The following NEK7 variants were observed in gnomAD, a reference collection of about 807,000 sequenced individuals.
The protein encoded by NEK7 is NIMA related kinase 7, also known as serine/threonine-protein kinase Nek7.
Under a neutral mutation model 44.6 loss-of-function variants are expected in NEK7, and 18 were observed. The observed-to-expected ratio is 0.40, with a 90% confidence interval of 0.28 to 0.60. NEK7 has a LOEUF of 0.60. Ranked by LOEUF, NEK7 falls within the 20% of genes least tolerant of loss-of-function variation. The probability of loss-of-function intolerance (pLI) is 0.38; values close to 1 mark genes in which losing one functional copy is unlikely to be tolerated. For missense variants in NEK7, 256 were observed against 366.5 expected (o/e 0.70, Z 2.46); for synonymous variants, 130 against 121.1 (o/e 1.07, Z -0.48).
At chr1:198,293,152 T>C in intron 8 of NEK7, 113 bp downstream of exon 8, 2 of 595,784 alleles carry the variant, frequency 3.4e-6, no homozygotes, top group Non-Finnish European at 5.8e-6. Flanking sequence ...ACCTTTTTAA[T>C]TGTGAAGAAT....
chr1:198,159,503 A>G (rs939678960), intron 1 of NEK7, among the ~76,000 whole-genome samples: 4 of 152,172 alleles, frequency 2.6e-5, no homozygotes, highest in Admixed American at 1.3e-4. Flanking sequence ...GAAAATGAAA[A>G]CCACTAAATG....
intron 5 of NEK7, among the ~76,000 whole-genome samples, chr1:198,268,672 A>G (rs998146662): frequency 6.6e-6 from 1 of 152,160 alleles, no homozygotes; most frequent in African/African-American, 2.4e-5. Flanking sequence ...TTTAAGGGTA[A>G]AGACTAAAAT....
chr1:198,240,585 T>G (rs1304110254), intron 2 of NEK7, among the ~76,000 whole-genome samples: 1 of 152,172 alleles, frequency 6.6e-6, no homozygotes, highest in African/African-American at 2.4e-5. Context: ...TTTGGAAATA[T>G]CTTAAAATTC....
chr1:198,203,791 A>G (rs544249542), intron 1 of NEK7, among the ~76,000 whole-genome samples: 1 of 152,234 alleles, frequency 6.6e-6, no homozygotes, highest in South Asian at 2.1e-4. Context: ...AAAAAGACCC[A>G]TTGGTTTGAC....
At chr1:198,238,953 C>T (rs1666611344) in intron 2 of NEK7, among the ~76,000 whole-genome samples, 1 of 152,158 alleles carries the variant, frequency 6.6e-6, no homozygotes, top group Admixed American at 6.5e-5. Flanking sequence ...AACCTAGAAA[C>T]AAGGGAGTCT....
intron 1 of NEK7, among the ~76,000 whole-genome samples, chr1:198,177,656 AAG>A (rs1377762901): frequency 2.6e-5 from 4 of 152,126 alleles, no homozygotes; most frequent in Admixed American, 1.3e-4. Flanking sequence ...ATAACTTAAA[AAG>A]GGTATGGTTA....
intron 7 of NEK7, among the ~76,000 whole-genome samples, chr1:198,288,490 A>G (rs1351260634): frequency 6.6e-6 from 1 of 152,124 alleles, no homozygotes; most frequent in Non-Finnish European, 1.5e-5. Context: ...TTTCAGTTGT[A>G]TTTCACAGTG....
At chr1:198,167,332 A>T (rs1664297537) in intron 1 of NEK7, among the ~76,000 whole-genome samples, 1 of 152,196 alleles carries the variant, frequency 6.6e-6, no homozygotes, top group African/African-American at 2.4e-5. Flanking sequence ...CTTTACTTAG[A>T]AAAGATTTTC....
chr1:198,242,693 A>C (rs1331315646), intron 2 of NEK7, among the ~76,000 whole-genome samples: 2 of 149,836 alleles, frequency 1.3e-5, no homozygotes, highest in Admixed American at 6.6e-5. Flanking sequence ...CGATCTCCTG[A>C]CCTCGTGATC....
intron 2 of NEK7, among the ~76,000 whole-genome samples, chr1:198,249,052 C>T (rs1666913007): frequency 8.1e-6 from 1 of 123,978 alleles, no homozygotes; most frequent in Admixed American, 9.3e-5. Flanking sequence ...CCCCCCACCC[C>T]ACAACAGTCC....
At chr1:198,211,043 A>G (rs1249741977) in intron 1 of NEK7, among the ~76,000 whole-genome samples, 1 of 152,114 alleles carries the variant, frequency 6.6e-6, no homozygotes, top group Non-Finnish European at 1.5e-5. Context: ...TATTAGTGAT[A>G]TTCAACATGC....
At chr1:198,181,909 T>C (rs1664778374) in intron 1 of NEK7, among the ~76,000 whole-genome samples, 1 of 152,122 alleles carries the variant, frequency 6.6e-6, no homozygotes, top group African/African-American at 2.4e-5. Context: ...GAAACTTCAT[T>C]AAACTTTGTC....
At chr1:198,311,532 G>A (rs1294903130) in intron 9 of NEK7, among the ~76,000 whole-genome samples, 3 of 151,496 alleles carry the variant, frequency 2.0e-5, no homozygotes, top group African/African-American at 7.3e-5. Flanking sequence ...CAAAGGGAAT[G>A]CTTCCAGTTT....
intron 1 of NEK7, among the ~76,000 whole-genome samples, chr1:198,215,129 A>G (rs1038966210): frequency 6.6e-6 from 1 of 151,714 alleles, no homozygotes; most frequent in Admixed American, 6.5e-5. Flanking sequence ...CAAATGCTGA[A>G]GGAATTTGTC....
At chr1:198,233,745 C>CT (rs71133919) in intron 2 of NEK7, among the ~76,000 whole-genome samples, 14,474 of 121,898 alleles carry the variant, frequency 0.12, 1,208 homozygotes, top group African/African-American at 0.21. Context: ...CTATGGGATC[C>CT]TTTTTTTTTT....
rs73080770 is a variant in NEK7 at position 198,284,397 on chromosome 1, G to T, written c.589+5336G>T. Among the ~76,000 whole-genome samples, 933 of 152,214 alleles carry T rather than the reference G, an allele frequency of 6.1e-3. 12 individuals are homozygous for T. The highest frequency in any genetic ancestry group is 0.021 in the African/African-American group (862 of 41,536). On this transcript the variant is annotated intron_variant, in intron 7 of 9. Coordinates refer to ENST00000367385, the MANE Select transcript of NEK7 (RefSeq NM_133494.3). ...GAGCCTACATATGAAGACATAGTTT[G>T]CTCTCTCTCCTAGAATTGACTACTC...
chr1:198,273,290 A>T (rs1341136990), intron 5 of NEK7, among the ~76,000 whole-genome samples: 1 of 151,758 alleles, frequency 6.6e-6, no homozygotes, highest in Non-Finnish European at 1.5e-5. Flanking sequence ...AAAAGAGAAA[A>T]TACTTATGCA....
In NEK7 at chr1:198,264,128, C is replaced by T. The variant is rs372818218; in HGVS notation, c.265C>T (p.Leu89Phe). 7 of 1,582,924 alleles carry T rather than the reference C, an allele frequency of 4.4e-6. No homozygotes were observed. In the African/African-American group the frequency reaches 9.6e-5, roughly 22 times the overall value. Residue 89 changes from leucine to phenylalanine, a missense_variant, in exon 5 of 10, where the codon CTC (leucine) becomes TTC (phenylalanine). Around this residue, in one of 3 missense-constraint regions of NEK7, gnomAD observed 102 missense variants for 205.2 expected, o/e 0.50. Coordinates refer to ENST00000367385, the MANE Select transcript of NEK7 (RefSeq NM_133494.3). ...GATGCCTGTTTTATTTTCTCAGCAA[C>T]TCAACCATCCAAATGTAATAAAATA... ...CIKEIDLLKQ[L>F]NHPNVIKYYA...
chr1:198,259,700 A>T (rs1343062934), intron 3 of NEK7, among the ~76,000 whole-genome samples: 1 of 152,092 alleles, frequency 6.6e-6, no homozygotes, highest in Non-Finnish European at 1.5e-5. Flanking sequence ...TTTATTGTTT[A>T]ACATGTTGAT....
Sources: allele counts gnomAD v4.1 joint callset (sites outside exome capture counted in the v4.1 genomes callset), GRCh38; gene constraint gnomAD v4.1.1; regional missense constraint gnomAD v4.1.1; transcripts MANE v1.5; gene names NCBI Gene and HGNC (gene_info 2026-07-23, HGNC 2026-07-21).